Variants in LY75 observed in about 807,000 individuals in gnomAD.
LY75 encodes the protein C-type lectin domain family 13 member B.
A neutral mutation model predicts 231.7 loss-of-function variants in LY75; 185 were observed. The observed-to-expected ratio is 0.80, with a 90% CI of 0.71 to 0.90. The LOEUF is 0.90. Among genes scored for constraint, LY75 ranks in the 40% least tolerant of loss-of-function variants. LY75 has a pLI of 0.00. For missense variants in LY75, 1,947 were observed against 2,050.2 expected (o/e 0.95, Z 0.97); for synonymous variants, 668 against 689.0 (o/e 0.97, Z 0.48).
At chr2:159,824,584 G>A (rs1683402076) in intron 28 of LY75, among the ~76,000 whole-genome samples, 1 of 152,108 alleles carries the variant, frequency 6.6e-6, no homozygotes, top group African/African-American at 2.4e-5. Flanking sequence ...GGATATTCAG[G>A]ACTTGAACTC....
At chr2:159,851,967 A>G (rs1339327877) in intron 21 of LY75, among the ~76,000 whole-genome samples, 2 of 152,226 alleles carry the variant, frequency 1.3e-5, no homozygotes, top group African/African-American at 2.4e-5. Context: ...TTTAAGTGTT[A>G]GTAGCAACAA....
chr2:159,879,651 GAAGA>G (rs1391676569), intron 8 of LY75, among the ~76,000 whole-genome samples: 1 of 152,062 alleles, frequency 6.6e-6, no homozygotes, highest in Non-Finnish European at 1.5e-5. Context: ...TATAAAAGTT[GAAGA>G]GAGAAGAACT....
At chr2:159,868,674 T>A (rs1169581931) in intron 13 of LY75, among the ~76,000 whole-genome samples, 1 of 152,210 alleles carries the variant, frequency 6.6e-6, no homozygotes, top group Non-Finnish European at 1.5e-5. Flanking sequence ...TCACATATGA[T>A]ATTCCAATGT....
chr2:159,878,573 T>C (rs1685342445), intron 10 of LY75, 60 bp downstream of exon 10: 4 of 1,612,486 alleles, frequency 2.5e-6, no homozygotes, highest in Admixed American at 1.7e-5. Context: ...TTAGGAAGAC[T>C]GTTTGGCAAA....
intron 28 of LY75, among the ~76,000 whole-genome samples, chr2:159,825,640 G>A (rs1041918955): frequency 6.6e-6 from 1 of 152,056 alleles, no homozygotes; most frequent in African/African-American, 2.4e-5. Context: ...CCAAAACCTG[G>A]CAGAAACACA....
intron 20 of LY75, 90 bp from the exon 21 acceptor site, chr2:159,852,430 T>G: frequency 2.0e-6 from 3 of 1,522,804 alleles, no homozygotes; most frequent in Non-Finnish European, 2.6e-6. Context: ...TTGTTTTTTT[T>G]TTTTTGAGAC....
chr2:159,854,147 T>C (rs967170423), intron 18 of LY75, among the ~76,000 whole-genome samples: 6 of 152,182 alleles, frequency 3.9e-5, no homozygotes, highest in African/African-American at 1.4e-4. Flanking sequence ...GTTTACCTTA[T>C]AAAGTGACAT....
intron 4 of LY75, 69 bp downstream of exon 4, chr2:159,890,144 T>C (rs1685704620): frequency 1.3e-6 from 2 of 1,552,984 alleles, no homozygotes; most frequent in Non-Finnish European, 8.7e-7. Context: ...CATCTGGATA[T>C]GAAAACAGAA....
At chr2:159,807,202 G>C (rs1682818738) in intron 33 of LY75, 62 bp from the exon 34 acceptor site, 1 of 1,531,474 alleles carries the variant, frequency 6.5e-7, no homozygotes, top group Non-Finnish European at 8.8e-7. Context: ...TTACAAGCAT[G>C]GGTTCATGTA....
rs1400301794 is a variant in LY75, at chr2:159,874,635, A to ATATATTT, written c.1974+808_1974+809insAAATATA. Reference sequence around the variant, plus strand: ...TTGTAAATATATATATAGTAAATATATGTAAATATATATATTTTGTAAATA... The same window carrying ATATATTT: ...TTGTAAATATATATATAGTAAATATATATATTTTGTAAATATATATATTTTGTAAATA... On this transcript the variant is annotated intron_variant, in intron 12 of 34. Coordinates refer to ENST00000263636, the MANE Select transcript of LY75 (RefSeq NM_002349.4). 1.0e-4 allele frequency among the ~76,000 whole-genome samples: 2 copies of ATATATTT among 19,730 alleles called. 1 individual carries two copies. Among genetic ancestry groups the ATATATTT allele is most frequent in the African/African-American group, 3.1e-4 (2 of 6,424 alleles). 12.9% of individuals were successfully genotyped at this position (19,730 alleles called of 152,430 possible).
In LY75 at chr2:159,874,873, T is replaced by TGTAA. The variant is rs1414759031; in HGVS notation, c.1974+570_1974+571insTTAC. On this transcript the variant is annotated intron_variant, in intron 12 of 34. Coordinates refer to ENST00000263636, the MANE Select transcript of LY75 (RefSeq NM_002349.4). ...AATATATATATATTTTGTAAATATATATACATATATATTTTGTAAATATAT... is the reference window on the plus strand; with the variant it reads ...AATATATATATATTTTGTAAATATATGTAAATACATATATATTTTGTAAATATAT... 6.5e-4 allele frequency among the ~76,000 whole-genome samples: 85 copies of TGTAA among 131,074 alleles called. 2 individuals are homozygous for TGTAA. Among genetic ancestry groups the TGTAA allele is most frequent in the Admixed American group, 5.8e-3 (70 of 12,124 alleles). The allele number at this position is 131,074 out of a possible 152,430, so 86.0% of individuals were successfully genotyped here.
At chr2:159,817,670 T>C (rs750085037) in intron 29 of LY75, among the ~76,000 whole-genome samples, 46 of 151,858 alleles carry the variant, frequency 3.0e-4, no homozygotes, top group Non-Finnish European at 6.3e-4. Context: ...AAAAAGAAGG[T>C]AAGGAGAAAG....
At position 159,904,599 on chromosome 2, in the gene LY75, A is replaced by T. The variant is rs1387277059; in HGVS notation, c.84T>A (p.Ser28=). 11 of 1,509,464 alleles carry T rather than the reference A, an allele frequency of 7.3e-6. No homozygotes were observed. The highest frequency in any genetic ancestry group is 9.7e-6 in the Non-Finnish European group (11 of 1,132,604). 93.5% of individuals were successfully genotyped at this position (1,509,464 alleles called of 1,614,324 possible). The change falls in exon 1 of 35, where the codon TCT becomes TCA. Residue 28 remains serine, a synonymous_variant. Coordinates refer to ENST00000263636, the MANE Select transcript of LY75 (RefSeq NM_002349.4). ...CGTGCCCGCGGTTACCTGCGCGGCCAGAGGGCTCCGCGAGATCGAAGAACC... is the reference window on the plus strand; with the variant it reads ...CGTGCCCGCGGTTACCTGCGCGGCCTGAGGGCTCCGCGAGATCGAAGAACC... The part of the protein sequence containing the change: ...LFWFFDLAEP[S]GRAANDPFTI...
chr2:159,880,999 C>T lies in LY75; in HGVS notation c.1404+84G>A, dbSNP rs756139216. 419 of 1,502,008 alleles carry T rather than the reference C, an allele frequency of 2.8e-4. 1 individual carries two copies. The highest frequency in any genetic ancestry group is 3.4e-4 in the Non-Finnish European group (379 of 1,120,172). The allele number at this position is 1,502,008 out of a possible 1,614,324, so 93.0% of individuals were successfully genotyped here. On this transcript the variant is annotated intron_variant, in intron 8 of 34. Transcript: ENST00000263636. The stretch of plus-strand genomic sequence containing the variant: ...CTTACCTTTTATTTTCCAGCTTATA[C>T]GCAAACTTCCCAACCAAAGAAGTCT...
At position 159,904,729 on chromosome 2, in the gene LY75, C is replaced by T; in HGVS notation, c.-47G>A. The T allele has an allele frequency of 7.3e-7, 1 of 1,372,434 alleles. No individual in the cohort carries two copies. The highest frequency in any genetic ancestry group is 9.3e-7 in the Non-Finnish European group (1 of 1,069,588). 85.0% of individuals were successfully genotyped at this position (1,372,434 alleles called of 1,614,324 possible). On this transcript the variant is annotated 5_prime_UTR_variant, in exon 1 of 35. Transcript: ENST00000263636. ...CGGCCGGGTCCTCGGGCGCACGCGG[C>T]TCCCGCCCCGCCTGCTGAGCGCGGC...
At chr2:159,873,582 G>A (rs1371729321) in intron 12 of LY75, among the ~76,000 whole-genome samples, 2 of 152,070 alleles carry the variant, frequency 1.3e-5, no homozygotes, top group East Asian at 3.8e-4. Context: ...AACTCTAGCT[G>A]GCCTGAAGAT....
intron 28 of LY75, among the ~76,000 whole-genome samples, chr2:159,830,955 G>C (rs1240126689): frequency 5.4e-4 from 82 of 152,158 alleles, no homozygotes; most frequent in Non-Finnish European, 7.3e-5. Context: ...ACCCAAAACT[G>C]CAACACTAAT....
chr2:159,864,839 T>C lies in LY75; in HGVS notation c.2199A>G (p.Pro733=), dbSNP rs765751273. The C allele has an allele frequency of 3.2e-6, 5 of 1,584,192 alleles. No homozygotes were observed. Among genetic ancestry groups the C allele is most frequent in the African/African-American group, 1.4e-5 (1 of 73,668 alleles). Residue 733 remains proline, a splice_region_variant and synonymous_variant, in exon 14 of 35, where the codon CCA becomes CCG. Coordinates refer to ENST00000263636, the MANE Select transcript of LY75 (RefSeq NM_002349.4). ...QGSWQWSDRT[P]VSTIIMPNEF... is the part of the protein sequence containing the mutation. ...CTAAAACAATAACGTTTTAACTTAC[T>C]GGTGTACGATCACTCCATTGCCAGG...
At chr2:159,849,365 T>A (rs1003358022) in intron 23 of LY75, among the ~76,000 whole-genome samples, 3 of 152,102 alleles carry the variant, frequency 2.0e-5, no homozygotes, top group African/African-American at 7.2e-5. Flanking sequence ...GTCAGTATAA[T>A]GCCCTCTTCC....
Sources: allele counts gnomAD v4.1 joint callset (sites outside exome capture counted in the v4.1 genomes callset), GRCh38; gene constraint gnomAD v4.1.1; transcripts MANE v1.5; gene names NCBI Gene and HGNC (gene_info 2026-07-23, HGNC 2026-07-21).